The following LPP variants were observed in gnomAD, a reference collection of about 807,000 sequenced individuals.
The protein encoded by LPP is LIM domain containing preferred translocation partner in lipoma.
In LPP, 38 loss-of-function variants were observed where a neutral mutation model predicts 60.4. The observed-to-expected ratio is 0.63, with a 90% CI of 0.49 to 0.83. LPP has a LOEUF of 0.83. LPP is among the 40% of genes least tolerant of loss of function. The pLI, the probability that LPP is intolerant of heterozygous loss-of-function variation, is 0.00. For synonymous variants in LPP, 328 were observed against 290.8 expected (o/e 1.13, Z -1.30); for missense variants, 902 against 783.6 (o/e 1.15, Z -1.80).
At chr3:188,359,914 C>G (rs1409910467) in intron 3 of LPP, among the ~76,000 whole-genome samples, 1 of 152,158 alleles carries the variant, frequency 6.6e-6, no homozygotes, top group Admixed American at 6.5e-5. Flanking sequence ...ATCTGGGTTA[C>G]TCTAGAGCCC....
At chr3:188,766,388 A>AAAAAAAAAAAAAAAAAAG (rs970853226) in intron 9 of LPP, among the ~76,000 whole-genome samples, 1 of 150,890 alleles carries the variant, frequency 6.6e-6, no homozygotes, top group African/African-American at 2.4e-5. Context: ...CAAAAAAAAA[A>AAAAAAAAAAAAAAAAAAG]GGTTAAAAAT....
At chr3:188,690,021 A>G (rs540526708) in intron 7 of LPP, among the ~76,000 whole-genome samples, 1 of 152,182 alleles carries the variant, frequency 6.6e-6, no homozygotes, top group East Asian at 1.9e-4. Flanking sequence ...TGTTTCCCTG[A>G]CTTTATCACA....
At chr3:188,673,723 G>A (rs1857408558) in intron 7 of LPP, among the ~76,000 whole-genome samples, 1 of 152,072 alleles carries the variant, frequency 6.6e-6, no homozygotes, top group African/African-American at 2.4e-5. Context: ...CCCATTTTGA[G>A]TGCATGATGT....
intron 10 of LPP, among the ~76,000 whole-genome samples, chr3:188,867,883 T>C (rs536185854): frequency 6.6e-6 from 1 of 152,282 alleles, no homozygotes; most frequent in Non-Finnish European, 1.5e-5. Context: ...AGGAAGCACT[T>C]ACCCCAAGGA....
chr3:188,188,846 ATCTGCATC>A (rs1727338351), intron 1 of LPP, among the ~76,000 whole-genome samples: 1 of 152,192 alleles, frequency 6.6e-6, no homozygotes, highest in African/African-American at 2.4e-5. Flanking sequence ...TATGGATGAA[ATCTGCATC>A]ACATAATTAC....
intron 3 of LPP, among the ~76,000 whole-genome samples, chr3:188,347,347 G>A (rs148037832): frequency 6.6e-6 from 1 of 152,240 alleles, no homozygotes; most frequent in South Asian, 2.1e-4. Flanking sequence ...CGTTAACTAC[G>A]TGTTTATCTG....
At chr3:188,240,658 A>G (rs1724159259) in intron 2 of LPP, among the ~76,000 whole-genome samples, 2 of 152,070 alleles carry the variant, frequency 1.3e-5, no homozygotes, top group South Asian at 2.1e-4. Flanking sequence ...AATCATAACT[A>G]TCCAATCATG....
rs377369225 is a variant in LPP, at chr3:188,701,065, A to T, written c.1114-7202A>T. ...CTGAATAGTCAGGTCTTCTGTATTT[A>T]TGGGTTTCTATGTAAATGTATAATC... On this transcript the variant is annotated intron_variant, in intron 7 of 11. Coordinates refer to ENST00000617246, the MANE Select transcript of LPP (RefSeq NM_001375462.1). Among the ~76,000 whole-genome samples, 14 of 152,356 alleles carry T rather than the reference A, an allele frequency of 9.2e-5. 1 individual carries two copies. Among genetic ancestry groups the T allele is most frequent in the East Asian group, 3.9e-4 (2 of 5,188 alleles).
Position 188,609,137 on chromosome 3 carries a change from T to TC in LPP, c.430-23dup. ...GGCAGTAATTTTTGCTTTCTTTCTT[T>TC]CTTTTTTTTCCTATTCTTTTTAGAG... On this transcript the variant is annotated intron_variant, in intron 6 of 11. Transcript: ENST00000617246. The surrounding 1 kb of genome is among the most constrained non-coding windows in gnomAD (Gnocchi z 6.9). 1 of 1,460,932 alleles carries TC rather than the reference T, an allele frequency of 6.8e-7. No homozygotes were observed. The highest frequency in any genetic ancestry group is 9.3e-7 in the Non-Finnish European group (1 of 1,075,440). 90.5% of individuals were successfully genotyped at this position (1,460,932 alleles called of 1,614,324 possible). A position where few individuals can be genotyped will look rare whatever the true frequency, so the allele number is the denominator to read the frequency against.
At chr3:188,314,563 C>T (rs1754470038) in intron 2 of LPP, among the ~76,000 whole-genome samples, 1 of 151,582 alleles carries the variant, frequency 6.6e-6, no homozygotes, top group Non-Finnish European at 1.5e-5. Flanking sequence ...ATGATCTGTG[C>T]TTCAATTTTC....
intron 8 of LPP, among the ~76,000 whole-genome samples, chr3:188,727,195 C>T (rs1186498179): frequency 6.6e-6 from 1 of 152,120 alleles, no homozygotes; most frequent in African/African-American, 2.4e-5. Context: ...ACAGTTTGCT[C>T]ATTTGCAAGG....
intron 8 of LPP, among the ~76,000 whole-genome samples, chr3:188,749,584 T>C (rs2150300839): frequency 6.6e-6 from 1 of 152,296 alleles, no homozygotes; most frequent in East Asian, 1.9e-4. Context: ...GCAGGTAATA[T>C]GGTATGGTCC....
At chr3:188,562,797 C>T (rs1444243679) in intron 6 of LPP, among the ~76,000 whole-genome samples, 1 of 151,870 alleles carries the variant, frequency 6.6e-6, no homozygotes, top group Non-Finnish European at 1.5e-5. Context: ...CCTACGGCCT[C>T]GTTTGATGTT....
At position 188,775,252 on chromosome 3, in the gene LPP, C is replaced by T. The variant is rs146790684; in HGVS notation, c.1410+14970C>T. On this transcript the variant is annotated intron_variant, in intron 9 of 11. Coordinates refer to ENST00000617246, the MANE Select transcript of LPP (RefSeq NM_001375462.1). ...ATTTTTAGTACAGACGGGGTTTCAC[C>T]ATGTTGGCCCGGATGGTCTGGATCT... 2.1e-3 allele frequency among the ~76,000 whole-genome samples: 322 copies of T among 152,178 alleles called. 1 individual carries two copies. Among genetic ancestry groups the T allele is most frequent in the African/African-American group, 7.4e-3 (307 of 41,522 alleles).
chr3:188,601,073 A>G (rs1318529214), intron 6 of LPP, among the ~76,000 whole-genome samples: 2 of 152,100 alleles, frequency 1.3e-5, no homozygotes, highest in African/African-American at 4.8e-5. Flanking sequence ...ACATATTACC[A>G]TGATTGTACA....
intron 1 of LPP, among the ~76,000 whole-genome samples, chr3:188,198,830 A>G (rs1730253459): frequency 6.6e-6 from 1 of 152,208 alleles, no homozygotes; most frequent in Admixed American, 6.5e-5. Flanking sequence ...AGAAAGTCAC[A>G]TCTGCATGGT....
intron 1 of LPP, among the ~76,000 whole-genome samples, chr3:188,155,632 G>A (rs1267550343): frequency 1.3e-5 from 2 of 152,194 alleles, no homozygotes; most frequent in African/African-American, 4.8e-5. Flanking sequence ...GACAGTGGGG[G>A]GTTAGGACAT....
At chr3:188,234,798 G>A (rs1577439674) in intron 2 of LPP, among the ~76,000 whole-genome samples, 2 of 152,260 alleles carry the variant, frequency 1.3e-5, no homozygotes, top group African/African-American at 4.8e-5. Flanking sequence ...TGCTTCCTAG[G>A]AGTTATGATG....
rs1770630454 is a variant in LPP at position 188,886,130 on chromosome 3, A to G, written c.*11651A>G. ...AACACATGGACACAGGAAGGGGAACATCACACTCTGGGGACTGTTGTGGGG... is the reference window on the plus strand; with the variant it reads ...AACACATGGACACAGGAAGGGGAACGTCACACTCTGGGGACTGTTGTGGGG... On this transcript the variant is annotated 3_prime_UTR_variant, in exon 12 of 12. Transcript: ENST00000617246. 6.6e-6 allele frequency: 1 copy of G among 150,420 alleles called. No individual in the cohort carries two copies. Among genetic ancestry groups the G allele is most frequent in the South Asian group, 2.1e-4 (1 of 4,692 alleles). 9.3% of individuals were successfully genotyped at this position (150,420 alleles called of 1,614,324 possible). A position where few individuals can be genotyped will look rare whatever the true frequency, so the allele number is the denominator to read the frequency against.
Sources: gnomAD v4.1 joint callset for allele counts (sites outside exome capture counted in the v4.1 genomes callset) on GRCh38, gnomAD v4.1.1 for gene constraint, Gnocchi (gnomAD v3.1) non-coding constraint, MANE v1.5 for transcripts, NCBI Gene and HGNC (gene_info 2026-07-23, HGNC 2026-07-21) for gene names.